Variants in LIMD1 observed in about 807,000 individuals in gnomAD.
LIMD1 encodes the protein LIM domain containing 1, also known as LIM domain-containing protein 1.
LIMD1 carries 23 observed loss-of-function variants against 58.4 expected under a neutral mutation model. The ratio of observed to expected loss-of-function variants is 0.39; its 90% CI spans 0.28 to 0.56. LIMD1 has a LOEUF of 0.56. Ranked by LOEUF, LIMD1 falls within the 20% of genes least tolerant of loss-of-function variation. The pLI, the probability that LIMD1 is intolerant of heterozygous loss-of-function variation, is 0.57. For synonymous variants in LIMD1, 334 were observed against 345.5 expected (o/e 0.97, Z 0.37); for missense variants, 838 against 855.5 (o/e 0.98, Z 0.25).
intron 2 of LIMD1, among the ~76,000 whole-genome samples, chr3:45,651,611 G>A (rs1701975001): frequency 6.6e-6 from 1 of 151,742 alleles, no homozygotes; most frequent in African/African-American, 2.4e-5. Flanking sequence ...GCTTGTTTTT[G>A]TCAAGTTTGT....
chr3:45,656,487 C>T (rs58277356), intron 2 of LIMD1, among the ~76,000 whole-genome samples: 33 of 150,446 alleles, frequency 2.2e-4, no homozygotes, highest in African/African-American at 6.1e-4. Flanking sequence ...GTAACTCAAC[C>T]GTAATATAGT....
intron 7 of LIMD1, 68 bp from the exon 8 acceptor site, chr3:45,676,852 CTG>C: frequency 6.8e-7 from 1 of 1,471,274 alleles, no homozygotes; most frequent in Non-Finnish European, 9.5e-7. Flanking sequence ...ATTTTGGGGA[CTG>C]TGGCCTTCAG....
intron 1 of LIMD1, among the ~76,000 whole-genome samples, chr3:45,616,439 G>A (rs765957050): frequency 5.3e-5 from 8 of 152,116 alleles, no homozygotes; most frequent in Non-Finnish European, 7.4e-5. Context: ...AAACAAAACC[G>A]GGTCACATCC....
intron 7 of LIMD1, among the ~76,000 whole-genome samples, chr3:45,676,286 A>G (rs983112161): frequency 2.0e-5 from 3 of 152,130 alleles, no homozygotes; most frequent in Non-Finnish European, 2.9e-5. Flanking sequence ...CATGTAATCA[A>G]TATAAAAAAG....
In LIMD1 at chr3:45,665,690, CAA is replaced by C. The variant is rs1436586743; in HGVS notation, c.1553_1554del (p.Lys518SerfsTer4). Reference sequence around the variant, plus strand: ...GAAAAGCCTTTTATTTTGTCAACGGCAAAGTGTTTTGTGAAGAAGACTTCCTG... The same window carrying C: ...GAAAAGCCTTTTATTTTGTCAACGGCAGTGTTTTGTGAAGAAGACTTCCTG... ...RGKAFYFVNG[K>X]VFCEEDFLYS... is the part of the protein sequence containing the mutation. On this transcript the variant is annotated frameshift_variant, in exon 3 of 8. Coordinates refer to ENST00000273317, the MANE Select transcript of LIMD1 (RefSeq NM_014240.3). LOFTEE classifies it high-confidence loss of function. 6.2e-7 allele frequency: 1 copy of C among 1,614,128 alleles called. No individual in the cohort carries two copies.
Position 45,595,579 on chromosome 3 carries a change from C to T in LIMD1, c.700C>T (p.Leu234=), listed in dbSNP as rs1179796811. Residue 234 remains leucine, a synonymous_variant, in exon 1 of 8, where the codon CTG becomes TTG. Transcript: ENST00000273317. ...TCCCCTAAATCACCGACAGCTCTCC[C>T]TGAGCTCCAGCAGGTCTTCTGAGGG... The part of the protein sequence containing the change: ...DHPLNHRQLS[L]SSSRSSEGSL... 2.5e-6 allele frequency: 4 copies of T among 1,614,134 alleles called. No individual in the cohort carries two copies. In the Admixed American group the frequency reaches 5.0e-5, roughly 20 times the overall value.
intron 1 of LIMD1, among the ~76,000 whole-genome samples, chr3:45,602,476 G>A (rs1340994884): frequency 1.3e-5 from 2 of 152,216 alleles, no homozygotes; most frequent in African/African-American, 2.4e-5. Flanking sequence ...GAGAAAGGAA[G>A]GGTTGGCATT....
At chr3:45,660,454 CAT>C (rs1697419449) in intron 2 of LIMD1, among the ~76,000 whole-genome samples, 1 of 120,890 alleles carries the variant, frequency 8.3e-6, no homozygotes, top group African/African-American at 3.2e-5. Context: ...CTCTCTCTGT[CAT>C]AAAGGCTAGA....
intron 2 of LIMD1, among the ~76,000 whole-genome samples, chr3:45,665,354 T>C (rs1424810396): frequency 6.6e-6 from 1 of 151,998 alleles, no homozygotes; most frequent in Non-Finnish European, 1.5e-5. Flanking sequence ...AATGCTTTGC[T>C]GGCATCTTTC....
intron 2 of LIMD1, among the ~76,000 whole-genome samples, chr3:45,637,384 G>A (rs1380846225): frequency 2.0e-5 from 3 of 151,772 alleles, no homozygotes; most frequent in South Asian, 2.1e-4. Context: ...GGGTTCAAGC[G>A]ATTCTTTTGC....
chr3:45,600,776 GAC>G (rs1006425312), intron 1 of LIMD1, among the ~76,000 whole-genome samples: 1 of 152,128 alleles, frequency 6.6e-6, no homozygotes, highest in African/African-American at 2.4e-5. Flanking sequence ...AAGGAAAAAG[GAC>G]ACAAGCCGGG....
intron 2 of LIMD1, among the ~76,000 whole-genome samples, chr3:45,643,480 G>A (rs566012748): frequency 1.3e-5 from 2 of 149,020 alleles, no homozygotes; most frequent in Admixed American, 1.3e-4. Context: ...GTGAGACTCT[G>A]TCTCAAAAAA....
In LIMD1 at chr3:45,665,615, C is replaced by CT. The variant is rs768741761; in HGVS notation, c.1511-28dup. ...TTTTCCACTGCATATTAAAATTTTT[C>CT]TTTTTTTACCCTGTGTTTGTGATTT... On this transcript the variant is annotated intron_variant, in intron 2 of 7. Coordinates refer to ENST00000273317, the MANE Select transcript of LIMD1 (RefSeq NM_014240.3). 1.0e-5 allele frequency: 16 copies of CT among 1,587,640 alleles called. No individual in the cohort carries two copies. The Admixed American group carries it at 2.8e-4, about 28-fold the overall frequency.
intron 2 of LIMD1, among the ~76,000 whole-genome samples, chr3:45,664,578 T>A (rs773642290): frequency 5.3e-5 from 8 of 152,234 alleles, no homozygotes; most frequent in Admixed American, 3.3e-4. Flanking sequence ...AAGATGGATT[T>A]GTAGTTAAAG....
intron 1 of LIMD1, among the ~76,000 whole-genome samples, chr3:45,612,240 A>G (rs1701533127): frequency 1.3e-5 from 2 of 151,984 alleles, no homozygotes; most frequent in African/African-American, 4.8e-5. Flanking sequence ...ATGCACAACC[A>G]TGCCTGGCTA....
chr3:45,663,778 A>C (rs552311875), intron 2 of LIMD1, among the ~76,000 whole-genome samples: 20 of 151,632 alleles, frequency 1.3e-4, no homozygotes, highest in Non-Finnish European at 2.4e-4. Context: ...TCTGTTGCCC[A>C]GTCTTGACTC....
chr3:45,672,844 G>A (rs756483148), intron 5 of LIMD1, 24 bp downstream of exon 5: 1 of 1,612,524 alleles, frequency 6.2e-7, no homozygotes, highest in Non-Finnish European at 8.5e-7. Context: ...GGAGCAGACA[G>A]GACCCATTCG....
chr3:45,639,945 G>A (rs1701825713), intron 2 of LIMD1, among the ~76,000 whole-genome samples: 1 of 152,240 alleles, frequency 6.6e-6, no homozygotes, highest in Non-Finnish European at 1.5e-5. Flanking sequence ...TTACAGGCGT[G>A]AGCCACCATG....
rs1324827116 is a variant in LIMD1, at chr3:45,680,018, T to C, written c.*2959T>C. 6.6e-6 allele frequency: 1 copy of C among 152,234 alleles called. No individual in the cohort carries two copies. The highest frequency in any genetic ancestry group is 1.5e-5 in the Non-Finnish European group (1 of 68,066). The allele number at this position is 152,234 out of a possible 1,614,324, so 9.4% of individuals were successfully genotyped here. On this transcript the variant is annotated 3_prime_UTR_variant, in exon 8 of 8. Coordinates refer to ENST00000273317, the MANE Select transcript of LIMD1 (RefSeq NM_014240.3). ...GAGTCCTGGGTGGCTGATGGAATGA[T>C]TGAGGAGGTCTGGTCACCCTCAAGC... is the stretch of plus-strand genomic sequence containing the variant.
Sources: allele counts gnomAD v4.1 joint callset (sites outside exome capture counted in the v4.1 genomes callset), GRCh38; gene constraint gnomAD v4.1.1; transcripts MANE v1.5; gene names NCBI Gene and HGNC (gene_info 2026-07-23, HGNC 2026-07-21).